ATXN7: variants seen among roughly 807,000 people sequenced by gnomAD.
ATXN7 encodes the protein ataxin-7.
ATXN7 carries 12 observed loss-of-function variants against 70.5 expected under a neutral mutation model. The ratio of observed to expected loss-of-function variants is 0.17; its 90% confidence interval spans 0.11 to 0.28. The LOEUF is 0.28. Ranked by LOEUF, ATXN7 falls within the 10% of genes least tolerant of loss-of-function variation. ATXN7 has a pLI of 1.00. For missense variants in ATXN7, 1,256 were observed against 1,131.7 expected (o/e 1.11, Z -1.58); for synonymous variants, 498 against 448.7 (o/e 1.11, Z -1.39).
intron 5 of ATXN7, chr3:63,968,058 C>G: frequency 9.2e-7 from 1 of 1,089,794 alleles, no homozygotes. Context: ...TGGGGTAGGT[C>G]TTTGCTAACC....
intron 2 of ATXN7, chr3:63,911,734 TGTGGGCGGCGTGGCGTGCAC>T (rs1401474446): frequency 6.6e-6 from 1 of 152,266 alleles, no homozygotes. Context: ...GGGGCACACA[TGTGGGCGGCGTGGCGTGCAC>T]ACGGTACTTC....
intron 2 of ATXN7, chr3:63,905,200 T>TTTTAA (rs1215615687): frequency 3.9e-5 from 6 of 152,122 alleles, no homozygotes; most frequent in Non-Finnish European, 7.4e-5. Flanking sequence ...TTTCATTCTT[T>TTTTAA]TTTAATTTAA....
At chr3:63,976,508 A>C (rs1488926495) in intron 5 of ATXN7, among the ~76,000 whole-genome samples, 1 of 152,194 alleles carries the variant, frequency 6.6e-6, no homozygotes, top group African/African-American at 2.4e-5. Flanking sequence ...ATTGTTATTG[A>C]AGTAGAAAAT....
At chr3:63,939,673 A>C (rs1449926355) in intron 4 of ATXN7, among the ~76,000 whole-genome samples, 1 of 152,210 alleles carries the variant, frequency 6.6e-6, no homozygotes, top group Non-Finnish European at 1.5e-5. Flanking sequence ...AAAATGGCTG[A>C]ATCTGTAAGT....
intron 4 of ATXN7, among the ~76,000 whole-genome samples, chr3:63,944,790 TTTTG>T (rs140332509): frequency 1.2e-3 from 190 of 152,136 alleles, no homozygotes; most frequent in African/African-American, 3.6e-3. Context: ...GGTTTTTGTT[TTTTG>T]TTTGTTTGTT....
rs760247126 is a variant in ATXN7, at chr3:63,995,686, G to A, written c.1864G>A (p.Gly622Arg). Residue 622 changes from glycine to arginine, a missense_variant, in exon 12 of 13, where the codon GGA (glycine) becomes AGA (arginine). Transcript: ENST00000674280. ...AAATAGCAAATCGGTACCAGCTCATGGAACCACACTAAATGCACAGCCTGC... is the reference window on the plus strand; with the variant it reads ...AAATAGCAAATCGGTACCAGCTCATAGAACCACACTAAATGCACAGCCTGC... ...SPNSKSVPAH[G>R]TTLNAQPAAS... 1 of 1,614,178 alleles carries A rather than the reference G, an allele frequency of 6.2e-7. No individual in the cohort carries two copies. The highest frequency in any genetic ancestry group is 8.5e-7 in the Non-Finnish European group (1 of 1,180,038).
intron 2 of ATXN7, chr3:63,911,454 C>A (rs1704010079): frequency 6.6e-6 from 1 of 152,222 alleles, no homozygotes; most frequent in Non-Finnish European, 1.5e-5. Context: ...TTCTCCTAAT[C>A]CCTAGGGTCT....
chr3:63,905,981 T>C (rs1033852531), intron 2 of ATXN7: 6 of 152,364 alleles, frequency 3.9e-5, no homozygotes, highest in African/African-American at 1.4e-4. Flanking sequence ...TATGAACCAG[T>C]ACACCTAGAA....
chr3:63,940,969 G>A (rs1159865352), intron 4 of ATXN7, among the ~76,000 whole-genome samples: 8 of 152,256 alleles, frequency 5.3e-5, no homozygotes, highest in South Asian at 2.1e-4. Context: ...TAAGGAACCC[G>A]TGAGACAAAC....
intron 12 of ATXN7, chr3:63,998,481 T>A (rs1272280085): frequency 1.5e-5 from 15 of 985,238 alleles, no homozygotes; most frequent in Non-Finnish European, 1.8e-5. Context: ...CACCTTTGAT[T>A]TTTACCATGT....
chr3:63,997,032 A>G (rs562013592), intron 12 of ATXN7, among the ~76,000 whole-genome samples: 3 of 152,340 alleles, frequency 2.0e-5, no homozygotes, highest in African/African-American at 7.2e-5. Flanking sequence ...TGAAGCAGGT[A>G]GATCACTTGA....
chr3:63,961,692 A>C (rs1484989400), intron 5 of ATXN7, among the ~76,000 whole-genome samples: 2 of 152,020 alleles, frequency 1.3e-5, no homozygotes, highest in Non-Finnish European at 2.9e-5. Flanking sequence ...TAGAGGAAAA[A>C]ACAGTTGGAA....
intron 5 of ATXN7, among the ~76,000 whole-genome samples, chr3:63,956,920 C>T (rs541870656): frequency 1.3e-5 from 2 of 152,272 alleles, no homozygotes; most frequent in African/African-American, 4.8e-5. Context: ...TCAGAAGCCC[C>T]ATTCTTTTGA....
In ATXN7 at chr3:63,983,033, C is replaced by G. The variant is rs2075515695; in HGVS notation, c.1095+12C>G. 1.2e-6 allele frequency: 2 copies of G among 1,609,248 alleles called. No individual in the cohort carries two copies. The highest frequency in any genetic ancestry group is 1.7e-6 in the Non-Finnish European group (2 of 1,175,900). The stretch of plus-strand genomic sequence containing the variant: ...CTTTGACATGCAAGGTAGGTGGACT[C>G]CTGAAAGTCAAGTCGACCATCCTGA... On this transcript the variant is annotated intron_variant, in intron 8 of 12. Coordinates refer to ENST00000674280, the MANE Select transcript of ATXN7 (RefSeq NM_001377405.1).
At chr3:63,958,765 T>G (rs2106682272) in intron 5 of ATXN7, among the ~76,000 whole-genome samples, 1 of 152,370 alleles carries the variant, frequency 6.6e-6, no homozygotes, top group South Asian at 2.1e-4. Context: ...TATTATCTTA[T>G]TTCCTGTTCT....
intron 3 of ATXN7, 61 bp from the exon 4 acceptor site, chr3:63,913,096 G>A: frequency 6.4e-7 from 1 of 1,559,716 alleles, no homozygotes; most frequent in Non-Finnish European, 8.8e-7. Flanking sequence ...GCGTGAGTGT[G>A]CGTCACACTC....
chr3:63,976,519 A>G (rs989722415), intron 5 of ATXN7, among the ~76,000 whole-genome samples: 2 of 152,332 alleles, frequency 1.3e-5, no homozygotes, highest in East Asian at 1.9e-4. Flanking sequence ...AGTAGAAAAT[A>G]GACTTTTTTG....
chr3:63,867,086 T>C (rs1001826157), intron 1 of ATXN7: 1 of 152,128 alleles, frequency 6.6e-6, no homozygotes, highest in Non-Finnish European at 1.5e-5. Flanking sequence ...TCTGGGTCTG[T>C]GAAATAATGT....
chr3:63,924,294 T>C (rs1190175341), intron 4 of ATXN7, among the ~76,000 whole-genome samples: 2 of 152,122 alleles, frequency 1.3e-5, no homozygotes, highest in Admixed American at 1.3e-4. Flanking sequence ...TTGACGTACT[T>C]AGTGGGCATT....
Sources: gnomAD v4.1 joint callset for allele counts (sites outside exome capture counted in the v4.1 genomes callset) on GRCh38, gnomAD v4.1.1 for gene constraint, MANE v1.5 for transcripts, NCBI Gene and HGNC (gene_info 2026-07-23, HGNC 2026-07-21) for gene names.